BICDL1: variants seen among roughly 807,000 people sequenced by gnomAD.
BICDL1 encodes BICD family-like cargo adapter 1.
BICDL1 carries 20 observed loss-of-function variants against 76.8 expected under a neutral mutation model. The observed-to-expected ratio is 0.26, with a 90% CI of 0.18 to 0.38. The LOEUF is 0.38. BICDL1 is among the 10% of genes least tolerant of loss of function. BICDL1 has a pLI of 1.00. For missense variants in BICDL1, 700 were observed against 798.6 expected, an observed-to-expected ratio of 0.88 and a Z score of 1.49; for synonymous variants, 383 against 337.1, an observed-to-expected ratio of 1.14 and a Z score of -1.49.
chr12:120,002,261 C>T (rs545109367), intron 2 of BICDL1, among the ~76,000 whole-genome samples: 2 of 152,240 alleles, frequency 1.3e-5, no homozygotes, highest in Admixed American at 1.3e-4. Flanking sequence ...GACCCTGTCT[C>T]TAAATAAGGT....
intron 4 of BICDL1, among the ~76,000 whole-genome samples, chr12:120,067,955 G>T (rs1872776336): frequency 2.0e-5 from 3 of 152,234 alleles, no homozygotes; most frequent in Admixed American, 2.0e-4. Context: ...ACGCAGAGCA[G>T]GCTTGCCAAT....
intron 2 of BICDL1, among the ~76,000 whole-genome samples, chr12:120,015,732 A>G (rs1952047645): frequency 6.6e-6 from 1 of 152,214 alleles, no homozygotes; most frequent in Non-Finnish European, 1.5e-5. Context: ...CCATTTACTA[A>G]AAGGTTGAAC....
chr12:120,081,026 G>A lies in BICDL1; in HGVS notation c.1583+9G>A. The A allele has an allele frequency of 6.2e-7, 1 of 1,611,940 alleles. No individual in the cohort carries two copies. The highest frequency in any genetic ancestry group is 8.5e-7 in the Non-Finnish European group (1 of 1,179,122). On this transcript the variant is annotated intron_variant, in intron 8 of 9. Coordinates refer to ENST00000548673, the MANE Select transcript of BICDL1 (RefSeq NM_001367886.1). ...GACGAGGCCATTGCAAAGTGAGTAG[G>A]GATGGCTTCACTTTATTCTTAAGAT...
At chr12:120,070,511 T>G (rs576740401) in intron 4 of BICDL1, among the ~76,000 whole-genome samples, 1 of 152,314 alleles carries the variant, frequency 6.6e-6, no homozygotes, top group South Asian at 2.1e-4. Context: ...TAAGTTCATC[T>G]GTAAATAAAA....
chr12:120,053,840 A>G (rs964862751), intron 2 of BICDL1, among the ~76,000 whole-genome samples: 2 of 152,136 alleles, frequency 1.3e-5, no homozygotes, highest in African/African-American at 4.8e-5. Context: ...TATGCTCATA[A>G]ATACATGTAT....
chr12:120,066,862 A>G (rs897268325), intron 4 of BICDL1, among the ~76,000 whole-genome samples: 3 of 152,218 alleles, frequency 2.0e-5, no homozygotes, highest in Non-Finnish European at 4.4e-5. Context: ...ATCCTAAACC[A>G]TATTTGTAAA....
At chr12:120,065,687 A>G (rs971535616) in intron 4 of BICDL1, among the ~76,000 whole-genome samples, 1 of 152,314 alleles carries the variant, frequency 6.6e-6, no homozygotes, top group African/African-American at 2.4e-5. Flanking sequence ...GGATTGCAAC[A>G]GTGATGTTTG....
intron 9 of BICDL1, 29 bp downstream of exon 9, chr12:120,090,100 G>C: frequency 6.2e-7 from 1 of 1,611,568 alleles, no homozygotes; most frequent in Non-Finnish European, 8.5e-7. Flanking sequence ...TCCAGGGCGA[G>C]AGGAGACTCC....
intron 7 of BICDL1, 86 bp downstream of exon 7, chr12:120,074,672 T>C: frequency 1.0e-6 from 1 of 959,392 alleles, no homozygotes; most frequent in Non-Finnish European, 1.2e-6. Flanking sequence ...CTCTCTCCCA[T>C]TTCTGTGTGA....
At chr12:120,068,166 AT>A (rs534990631) in intron 4 of BICDL1, among the ~76,000 whole-genome samples, 168 of 152,320 alleles carry the variant, frequency 1.1e-3, no homozygotes, top group African/African-American at 3.7e-3. Flanking sequence ...CCCAGTCTGC[AT>A]TTCTGCAGGA....
At chr12:120,001,631 A>T (rs1025068268) in intron 2 of BICDL1, among the ~76,000 whole-genome samples, 1 of 152,198 alleles carries the variant, frequency 6.6e-6, no homozygotes, top group African/African-American at 2.4e-5. Context: ...TATTTCTTTG[A>T]TACCTTCGTC....
intron 2 of BICDL1, among the ~76,000 whole-genome samples, chr12:120,051,152 A>G (rs1437192316): frequency 1.3e-5 from 2 of 151,820 alleles, no homozygotes; most frequent in African/African-American, 2.4e-5. Context: ...GGTTCAAGCA[A>G]TTCTCCTGCC....
intron 2 of BICDL1, among the ~76,000 whole-genome samples, chr12:120,028,549 G>A (rs1594136788): frequency 6.6e-6 from 1 of 152,066 alleles, no homozygotes; most frequent in East Asian, 1.9e-4. Flanking sequence ...GGTGGCAGGC[G>A]CCTGTAATCC....
intron 2 of BICDL1, among the ~76,000 whole-genome samples, chr12:120,004,713 C>A (rs942319909): frequency 6.6e-6 from 1 of 152,206 alleles, no homozygotes; most frequent in Non-Finnish European, 1.5e-5. Context: ...ATTTATCTGG[C>A]TAGGATAGGG....
intron 2 of BICDL1, among the ~76,000 whole-genome samples, chr12:120,041,868 G>A (rs1473161557): frequency 6.6e-6 from 1 of 152,220 alleles, no homozygotes; most frequent in African/African-American, 2.4e-5. Flanking sequence ...TCTGAGATAA[G>A]ATTGGGATGC....
At position 120,081,661 on chromosome 12, in the gene BICDL1, G is replaced by A. The variant is rs984373330; in HGVS notation, c.1583+644G>A. 4.6e-5 allele frequency among the ~76,000 whole-genome samples: 7 copies of A among 151,264 alleles called. 1 individual carries two copies. Among genetic ancestry groups the A allele is most frequent in the South Asian group, 4.2e-4 (2 of 4,784 alleles). ...ACCACACCCGGCCTCCAGTTTTATC[G>A]TATGTATATATCTACCTCACCTTTT... On this transcript the variant is annotated intron_variant, in intron 8 of 9. Coordinates refer to ENST00000548673, the MANE Select transcript of BICDL1 (RefSeq NM_001367886.1).
At chr12:120,089,815 T>C (rs1372075739) in intron 8 of BICDL1, 136 bp from the exon 9 acceptor site, 4 of 1,006,448 alleles carry the variant, frequency 4.0e-6, no homozygotes, top group East Asian at 2.5e-5. Flanking sequence ...ATCATAGTTA[T>C]TGTTGCAGCT....
rs1197553952 is a variant in BICDL1, at chr12:120,079,985, A to C, written c.1453-902A>C. Among the ~76,000 whole-genome samples, 1 of 152,238 alleles carries C rather than the reference A, an allele frequency of 6.6e-6. No individual in the cohort carries two copies. Among genetic ancestry groups the C allele is most frequent in the Non-Finnish European group, 1.5e-5 (1 of 68,052 alleles). ...GGAGGTCAAGCCTTGTGTCACACCAAGTCTCACACAACCAGGAGTGCCCCC... is the reference window on the plus strand; with the variant it reads ...GGAGGTCAAGCCTTGTGTCACACCACGTCTCACACAACCAGGAGTGCCCCC... On this transcript the variant is annotated intron_variant, in intron 7 of 9. Transcript: ENST00000548673. The surrounding 1 kb of genome is among the most constrained non-coding windows in gnomAD (Gnocchi z 4.3).
intron 6 of BICDL1, among the ~76,000 whole-genome samples, chr12:120,073,370 T>G (rs1873261328): frequency 6.6e-6 from 1 of 152,244 alleles, no homozygotes. Flanking sequence ...TGTATCCAAG[T>G]AAAAACTGTA....
Sources: gnomAD v4.1 joint callset for allele counts (sites outside exome capture counted in the v4.1 genomes callset) on GRCh38, gnomAD v4.1.1 for gene constraint, Gnocchi (gnomAD v3.1) non-coding constraint, MANE v1.5 for transcripts, NCBI Gene and HGNC (gene_info 2026-07-23, HGNC 2026-07-21) for gene names.